CDH18: variants seen among roughly 807,000 people sequenced by gnomAD.
The protein encoded by CDH18 is cadherin-18.
CDH18 carries 31 observed loss-of-function variants against 67.9 expected under a neutral mutation model. That is an observed-to-expected ratio of 0.46 (90% confidence interval 0.34 to 0.62). The LOEUF is 0.62. Ranked by LOEUF, CDH18 falls within the 20% of genes least tolerant of loss-of-function variation. The pLI, the probability that CDH18 is intolerant of heterozygous loss-of-function variation, is 0.01. For synonymous variants in CDH18, 362 were observed against 347.2 expected, an observed-to-expected ratio of 1.04 and a Z score of -0.48; for missense variants, 890 against 975.5, an observed-to-expected ratio of 0.91 and a Z score of 1.17.
intron 2 of CDH18, among the ~76,000 whole-genome samples, chr5:20,035,955 ATTG>A (rs146425401): frequency 2.4e-4 from 36 of 151,680 alleles, no homozygotes; most frequent in Admixed American, 1.8e-3. Flanking sequence ...TTGTTTTTGT[ATTG>A]TTGTTGTTGT....
At chr5:20,532,182 A>G (rs770239684) in intron 1 of CDH18, among the ~76,000 whole-genome samples, 6 of 152,166 alleles carry the variant, frequency 3.9e-5, no homozygotes, top group Non-Finnish European at 7.4e-5. Context: ...AAACACTAAC[A>G]GAATAGTCTA....
At chr5:19,739,873 C>T (rs1265101799) in intron 4 of CDH18, among the ~76,000 whole-genome samples, 4 of 152,008 alleles carry the variant, frequency 2.6e-5, no homozygotes, top group Non-Finnish European at 5.9e-5. Context: ...ACTAAATCAG[C>T]GCTCCAACAA....
chr5:19,581,456 T>C (rs1360609644), intron 7 of CDH18, among the ~76,000 whole-genome samples: 1 of 151,978 alleles, frequency 6.6e-6, no homozygotes, highest in Non-Finnish European at 1.5e-5. Context: ...ATCACCCTAT[T>C]ATATTCTTCT....
At chr5:20,526,146 G>C in intron 1 of CDH18, among the ~76,000 whole-genome samples, 1 of 152,106 alleles carries the variant, frequency 6.6e-6, no homozygotes, top group East Asian at 1.9e-4. Context: ...ATCTATGGCA[G>C]ATCGTGGCCA....
At chr5:20,300,766 C>G (rs995114717) in intron 1 of CDH18, among the ~76,000 whole-genome samples, 2 of 152,124 alleles carry the variant, frequency 1.3e-5, no homozygotes, top group African/African-American at 4.8e-5. Context: ...CCCAATAGTC[C>G]TAGGTATATG....
chr5:20,306,174 A>G (rs1237414668), intron 1 of CDH18, among the ~76,000 whole-genome samples: 3 of 152,206 alleles, frequency 2.0e-5, no homozygotes, highest in African/African-American at 7.2e-5. Context: ...ATCAAAACAT[A>G]AAGGAAAATA....
chr5:19,489,250 C>CTTTTTTTTTTTTT (rs1237810466), intron 11 of CDH18, among the ~76,000 whole-genome samples: 1 of 128,130 alleles, frequency 7.8e-6, no homozygotes, highest in African/African-American at 2.9e-5. Context: ...TTTTTTTTTT[C>CTTTTTTTTTTTTT]TTTTTTTTTT....
At chr5:19,714,511 A>AT (rs5866395) in intron 5 of CDH18, among the ~76,000 whole-genome samples, 1,608 of 144,810 alleles carry the variant, frequency 0.011, 16 homozygotes, top group African/African-American at 0.03. Context: ...ACAAAGTGAG[A>AT]TTTTTTTTTT....
chr5:19,523,817 G>A (rs1033483902), intron 9 of CDH18, among the ~76,000 whole-genome samples: 3 of 151,950 alleles, frequency 2.0e-5, no homozygotes, highest in African/African-American at 2.4e-5. Flanking sequence ...CATACTATCA[G>A]TACAATTAAT....
Position 19,946,254 on chromosome 5 carries a change from A to G in CDH18, c.-257+34806T>C, listed in dbSNP as rs369875904. Among the ~76,000 whole-genome samples, 91 of 152,298 alleles carry G rather than the reference A, an allele frequency of 6.0e-4. No individual in the cohort carries two copies. In the South Asian group the frequency reaches 0.016, roughly 27 times the overall value. On this transcript the variant is annotated intron_variant, in intron 2 of 12. Coordinates refer to ENST00000382275, the MANE Select transcript of CDH18 (RefSeq NM_004934.5). ...CTGTCAACAGTGAATTCAGTATTCA[A>G]TGAAACATCCTTCCGGAAGGAAGGG...
intron 2 of CDH18, among the ~76,000 whole-genome samples, chr5:20,184,815 G>A (rs1044291463): frequency 2.0e-5 from 3 of 152,028 alleles, no homozygotes; most frequent in Admixed American, 6.6e-5. Flanking sequence ...AATGCAAGAG[G>A]CACTGTCTAG....
At chr5:20,009,069 C>T (rs1330534652) in intron 2 of CDH18, among the ~76,000 whole-genome samples, 4 of 151,974 alleles carry the variant, frequency 2.6e-5, no homozygotes, top group Non-Finnish European at 4.4e-5. Flanking sequence ...AATGGCAGTT[C>T]GGTCTAAAGA....
chr5:20,120,315 A>G (rs1748254906), intron 2 of CDH18, among the ~76,000 whole-genome samples: 1 of 152,162 alleles, frequency 6.6e-6, no homozygotes, highest in Non-Finnish European at 1.5e-5. Context: ...TAAAATGTCT[A>G]AATCTCTTAC....
intron 1 of CDH18, among the ~76,000 whole-genome samples, chr5:20,573,132 G>C (rs1030149812): frequency 5.9e-5 from 9 of 151,928 alleles, no homozygotes; most frequent in Admixed American, 3.9e-4. Flanking sequence ...AGAAATTACA[G>C]AATTTGTAAG....
Position 20,429,598 on chromosome 5 carries a change from T to TG in CDH18, c.-580+145863dup, listed in dbSNP as rs375228071. Among the ~76,000 whole-genome samples, 226 of 152,144 alleles carry TG rather than the reference T, an allele frequency of 1.5e-3. 1 individual carries two copies. Among genetic ancestry groups the TG allele is most frequent in the African/African-American group, 5.1e-3 (211 of 41,506 alleles). Reference sequence around the variant, plus strand: ...TGTGTACAAATCTCACAAATATGAATGGGGGGGCAAAAGGATGATGAAGAT... The same window carrying TG: ...TGTGTACAAATCTCACAAATATGAATGGGGGGGGCAAAAGGATGATGAAGAT... On this transcript the variant is annotated intron_variant, in intron 1 of 14. Transcript: ENST00000507958.
chr5:19,690,295 C>T (rs935667018), intron 5 of CDH18, among the ~76,000 whole-genome samples: 28 of 151,386 alleles, frequency 1.8e-4, no homozygotes, highest in African/African-American at 5.3e-4. Flanking sequence ...CTATTGGATA[C>T]AGCAAAAGTA....
At chr5:19,581,354 G>A (rs1743220989) in intron 7 of CDH18, among the ~76,000 whole-genome samples, 2 of 151,784 alleles carry the variant, frequency 1.3e-5, no homozygotes, top group African/African-American at 4.8e-5. Flanking sequence ...ACTATAGTTA[G>A]TTATCATTTT....
At chr5:19,927,672 A>G (rs1793241969) in intron 2 of CDH18, among the ~76,000 whole-genome samples, 1 of 152,194 alleles carries the variant, frequency 6.6e-6, no homozygotes, top group African/African-American at 2.4e-5. Flanking sequence ...TCTAATGCAG[A>G]CATGTAATTT....
chr5:20,364,980 G>A (rs764608056), intron 1 of CDH18, among the ~76,000 whole-genome samples: 5 of 152,164 alleles, frequency 3.3e-5, no homozygotes, highest in African/African-American at 1.2e-4. Flanking sequence ...TGAATAAAAT[G>A]GAGTAGGGTT....
Sources: allele counts gnomAD v4.1 joint callset (sites outside exome capture counted in the v4.1 genomes callset), GRCh38; gene constraint gnomAD v4.1.1; transcripts MANE v1.5; gene names NCBI Gene and HGNC (gene_info 2026-07-23, HGNC 2026-07-21).